DDC: variants seen among roughly 807,000 people sequenced by gnomAD.
DDC encodes dopa decarboxylase, also known as aromatic-L-amino-acid decarboxylase.
A neutral mutation model predicts 60.0 loss-of-function variants in DDC; 43 were observed. The observed-to-expected ratio is 0.72, with a 90% CI of 0.56 to 0.92. The LOEUF (loss-of-function observed/expected upper bound fraction) is 0.92, where lower values mean the gene tolerates loss of function less well. Ranked by LOEUF, DDC falls within the 40% of genes least tolerant of loss-of-function variation. The probability of loss-of-function intolerance (pLI) is 0.00; values close to 1 mark genes in which losing one functional copy is unlikely to be tolerated. For synonymous variants in DDC, 232 were observed against 234.6 expected (o/e 0.99, Z 0.10); for missense variants, 573 against 620.2 (o/e 0.92, Z 0.81).
chr7:50,527,010 C>A (rs2044054433), intron 6 of DDC, among the ~76,000 whole-genome samples: 1 of 119,412 alleles, frequency 8.4e-6, no homozygotes, highest in Admixed American at 8.2e-5. Context: ...TATCTACACT[C>A]ATAGTGTGAG....
At chr7:50,469,939 A>T (rs1267938146) in intron 12 of DDC, 134 bp downstream of exon 12, 1 of 670,350 alleles carries the variant, frequency 1.5e-6, no homozygotes, top group Non-Finnish European at 2.6e-6. Flanking sequence ...AGATTGTGCC[A>T]TTGCACTCCA....
chr7:50,476,792 G>C, intron 10 of DDC, 149 bp from the exon 11 acceptor site: 1 of 714,468 alleles, frequency 1.4e-6, no homozygotes. Context: ...TGTTCTTTGC[G>C]GCACTTCCCA....
chr7:50,504,215 C>A (rs1398378288), intron 6 of DDC, among the ~76,000 whole-genome samples, 156 bp from the exon 7 acceptor site: 1 of 152,194 alleles, frequency 6.6e-6, no homozygotes, highest in Non-Finnish European at 1.5e-5. Flanking sequence ...CATGGATGCA[C>A]ATTGAATCTT....
At chr7:50,466,311 A>G (rs2042394161) in intron 13 of DDC, among the ~76,000 whole-genome samples, 1 of 152,018 alleles carries the variant, frequency 6.6e-6, no homozygotes, top group Non-Finnish European at 1.5e-5. Context: ...AACATGGTGA[A>G]ACCCCATCTC....
intron 4 of DDC, among the ~76,000 whole-genome samples, chr7:50,532,809 T>C (rs2044262547): frequency 6.6e-6 from 1 of 152,230 alleles, no homozygotes; most frequent in Admixed American, 6.5e-5. Flanking sequence ...TATGAAATTG[T>C]TTTTGTTATA....
intron 6 of DDC, among the ~76,000 whole-genome samples, chr7:50,523,692 G>A (rs10249982): frequency 0.73 from 110,637 of 152,074 alleles, 40,544 homozygotes; most frequent in East Asian, 0.8. Context: ...AAAGATATTG[G>A]AAAACCTACA....
chr7:50,460,339 C>A (rs1389636169), intron 14 of DDC, among the ~76,000 whole-genome samples: 1 of 141,036 alleles, frequency 7.1e-6, no homozygotes, highest in South Asian at 2.3e-4. Flanking sequence ...CCCGGCCAGC[C>A]GCCCCGTCCA....
At chr7:50,519,864 C>G (rs192427236) in intron 6 of DDC, among the ~76,000 whole-genome samples, 14 of 152,222 alleles carry the variant, frequency 9.2e-5, no homozygotes, top group Admixed American at 5.2e-4. Flanking sequence ...TAACCAAATA[C>G]CACCTGTACC....
chr7:50,470,658 C>G (rs2042509487), intron 11 of DDC, among the ~76,000 whole-genome samples: 1 of 152,238 alleles, frequency 6.6e-6, no homozygotes, highest in Admixed American at 6.5e-5. Flanking sequence ...TAGAGCAATA[C>G]TGGTTCCCTC....
At chr7:50,492,607 T>C (rs1263208171) in intron 9 of DDC, 50 of 935,022 alleles carry the variant, frequency 5.3e-5, no homozygotes, top group Non-Finnish European at 6.4e-5. Flanking sequence ...CCATCACCCT[T>C]CTCTTGTGGC....
intron 11 of DDC, among the ~76,000 whole-genome samples, chr7:50,475,581 C>T (rs2042623738): frequency 6.6e-6 from 1 of 152,210 alleles, no homozygotes; most frequent in South Asian, 2.1e-4. Flanking sequence ...GTCATTATCA[C>T]ACCGGCTGCT....
chr7:50,482,182 G>A (rs17634958), intron 9 of DDC, among the ~76,000 whole-genome samples: 14,452 of 152,230 alleles, frequency 0.095, 1,064 homozygotes, highest in South Asian at 0.12. Context: ...CTCCACAACA[G>A]TTCTGCAGTC....
chr7:50,493,068 G>T, intron 9 of DDC: 3 of 1,377,592 alleles, frequency 2.2e-6, no homozygotes, highest in Middle Eastern at 1.8e-4. Context: ...TTGCCTCCAA[G>T]ATTAGGGACC....
At position 50,461,486 on chromosome 7, in the gene DDC, A is replaced by G. The variant is rs2153532568; in HGVS notation, c.*18+1727T>C. On this transcript the variant is annotated intron_variant, in intron 14 of 14. Transcript: ENST00000444124. ...ATTTTTACCTTTTGAATCTACAGCA[A>G]ATATAATGACTCCAGAGGAACTGAG... Among the ~76,000 whole-genome samples the G allele has an allele frequency of 1.3e-5, 2 of 152,340 alleles. 1 individual carries two copies. Among genetic ancestry groups the G allele is most frequent in the Admixed American group, 1.3e-4 (2 of 15,308 alleles).
chr7:50,525,763 C>CAA (rs143516683), intron 6 of DDC, among the ~76,000 whole-genome samples: 5 of 150,944 alleles, frequency 3.3e-5, no homozygotes, highest in South Asian at 2.1e-4. Context: ...GACTCTGTCT[C>CAA]AAAAAAATAA....
At chr7:50,548,545 G>A (rs1188025342) in intron 1 of DDC, among the ~76,000 whole-genome samples, 3 of 152,184 alleles carry the variant, frequency 2.0e-5, no homozygotes, top group Admixed American at 6.5e-5. Flanking sequence ...TCCAGAGTAA[G>A]GTCTTAACTG....
At chr7:50,471,919 G>A (rs367770864) in intron 11 of DDC, among the ~76,000 whole-genome samples, 1 of 152,094 alleles carries the variant, frequency 6.6e-6, no homozygotes, top group African/African-American at 2.4e-5. Context: ...ATCATTCCTC[G>A]ACTGGTCAAC....
intron 11 of DDC, among the ~76,000 whole-genome samples, chr7:50,473,447 G>A (rs775041329): frequency 2.0e-5 from 3 of 152,192 alleles, no homozygotes; most frequent in East Asian, 1.9e-4. Flanking sequence ...CTCCAGAACA[G>A]CTTTCACCTT....
intron 12 of DDC, among the ~76,000 whole-genome samples, chr7:50,468,099 A>T (rs2042438936): frequency 6.6e-6 from 1 of 152,256 alleles, no homozygotes; most frequent in African/African-American, 2.4e-5. Flanking sequence ...CAGGGCCCCC[A>T]TGTTGCAGGT....
Sources: allele counts gnomAD v4.1 joint callset (sites outside exome capture counted in the v4.1 genomes callset), GRCh38; gene constraint gnomAD v4.1.1; transcripts MANE v1.5; gene names NCBI Gene and HGNC (gene_info 2026-07-23, HGNC 2026-07-21).